UBE2R2: variants seen among roughly 807,000 people sequenced by gnomAD.
The protein encoded by UBE2R2 is ubiquitin conjugating enzyme E2 R2.
A neutral mutation model predicts 27.8 loss-of-function variants in UBE2R2; 1 was observed. The ratio of observed to expected loss-of-function variants is 0.04; its 90% CI spans 0.01 to 0.17. UBE2R2 has a LOEUF of 0.17. Among genes scored for constraint, UBE2R2 ranks in the 10% least tolerant of loss-of-function variants. The pLI is 1.00. For missense variants in UBE2R2, 100 were observed against 291.0 expected, an observed-to-expected ratio of 0.34 and a Z score of 4.78; for synonymous variants, 106 against 113.3, an observed-to-expected ratio of 0.94 and a Z score of 0.41.
chr9:33,919,923 G>A lies in UBE2R2; in HGVS notation c.*2686G>A, dbSNP rs1822766901. 6.6e-6 allele frequency: 1 copy of A among 152,250 alleles called. No homozygotes were observed. The highest frequency in any genetic ancestry group is 6.5e-5 in the Admixed American group (1 of 15,286). The allele number at this position is 152,250 out of a possible 1,614,324, so 9.4% of individuals were successfully genotyped here. ...GGGTGGAGAAGTATATGATTCTGCT[G>A]TTGATTCTTTCAGTCTTCCCCCCTT... On this transcript the variant is annotated 3_prime_UTR_variant, in exon 5 of 5. Coordinates refer to ENST00000263228, the MANE Select transcript of UBE2R2 (RefSeq NM_017811.4).
chr9:33,820,730 G>A (rs1587420811), intron 1 of UBE2R2, among the ~76,000 whole-genome samples: 1 of 152,170 alleles, frequency 6.6e-6, no homozygotes, highest in South Asian at 2.1e-4. Flanking sequence ...ATTCGTGAAG[G>A]CAGTGGGACT....
At chr9:33,864,211 C>T (rs565959668) in intron 1 of UBE2R2, among the ~76,000 whole-genome samples, 31 of 152,108 alleles carry the variant, frequency 2.0e-4, no homozygotes, top group Admixed American at 1.3e-3. Context: ...CAGAAAAAAA[C>T]GGAAAGGAAA....
At chr9:33,896,246 T>A (rs1822101955) in intron 2 of UBE2R2, among the ~76,000 whole-genome samples, 1 of 152,138 alleles carries the variant, frequency 6.6e-6, no homozygotes, top group Non-Finnish European at 1.5e-5. Flanking sequence ...GTCATCTGTG[T>A]ATAAAGATGC....
intron 1 of UBE2R2, among the ~76,000 whole-genome samples, chr9:33,880,209 T>G (rs1189331672): frequency 1.3e-5 from 2 of 152,180 alleles, no homozygotes; most frequent in Non-Finnish European, 2.9e-5. Context: ...TTCTCATTTC[T>G]TAAGTAGAAG....
At chr9:33,846,815 A>G (rs1050065601) in intron 1 of UBE2R2, among the ~76,000 whole-genome samples, 1 of 152,202 alleles carries the variant, frequency 6.6e-6, no homozygotes, top group East Asian at 1.9e-4. Flanking sequence ...TGTCACAAAT[A>G]TTATTCTTTT....
At chr9:33,915,278 A>G (rs565971810) in intron 4 of UBE2R2, among the ~76,000 whole-genome samples, 5 of 152,332 alleles carry the variant, frequency 3.3e-5, no homozygotes, top group Admixed American at 2.6e-4. Flanking sequence ...TTAAGAAGCA[A>G]TGCTCATTTA....
rs571400056 is a variant in UBE2R2, at chr9:33,863,567, G to T, written c.178-23314G>T. Among the ~76,000 whole-genome samples the T allele has an allele frequency of 2.0e-5, 3 of 151,352 alleles. No homozygotes were observed. In the East Asian group the frequency reaches 5.8e-4, roughly 29 times the overall value. ...GTGCATGGTAGATTTAGTGTTTTTC[G>T]TGAAAAATTTAGAAAGAATATAATT... On this transcript the variant is annotated intron_variant, in intron 1 of 4. Transcript: ENST00000263228.
At chr9:33,887,992 G>T (rs950411580) in intron 2 of UBE2R2, among the ~76,000 whole-genome samples, 1 of 152,158 alleles carries the variant, frequency 6.6e-6, no homozygotes, top group African/African-American at 2.4e-5. Flanking sequence ...CTAAAAGTGT[G>T]TTTTTAAATC....
intron 1 of UBE2R2, among the ~76,000 whole-genome samples, chr9:33,885,768 G>A (rs139249767): frequency 4.5e-4 from 68 of 152,202 alleles, no homozygotes; most frequent in African/African-American, 1.4e-3. Flanking sequence ...TTATTTTCTG[G>A]AATTCTGAAA....
At chr9:33,891,490 A>G (rs1257965863) in intron 2 of UBE2R2, among the ~76,000 whole-genome samples, 1 of 152,022 alleles carries the variant, frequency 6.6e-6, no homozygotes, top group Non-Finnish European at 1.5e-5. Context: ...TACTAAAAAT[A>G]GAAAAAATTA....
rs533859289 is a variant in UBE2R2 at position 33,882,909 on chromosome 9, C to T, written c.178-3972C>T. Among the ~76,000 whole-genome samples the T allele has an allele frequency of 2.6e-5, 4 of 151,946 alleles. No individual in the cohort carries two copies. The South Asian group carries it at 8.3e-4, about 32-fold the overall frequency. ...TTTGAGACCATCCTGGCCAACATGG[C>T]AAAACCCCATCTCTACTAAAAATAC... On this transcript the variant is annotated intron_variant, in intron 1 of 4. Transcript: ENST00000263228.
chr9:33,904,011 G>C (rs1436325695), intron 3 of UBE2R2, among the ~76,000 whole-genome samples: 1 of 152,078 alleles, frequency 6.6e-6, no homozygotes, highest in Non-Finnish European at 1.5e-5. Flanking sequence ...GTGTTTTCGG[G>C]GGCTGTGGGA....
At chr9:33,840,927 A>AT (rs1011458364) in intron 1 of UBE2R2, among the ~76,000 whole-genome samples, 26 of 151,872 alleles carry the variant, frequency 1.7e-4, no homozygotes, top group East Asian at 1.3e-3. Flanking sequence ...ATTTAATTTA[A>AT]TTAATTAATT....
rs1011619809 is a variant in UBE2R2, at chr9:33,917,369, G to A, written c.*132G>A. ...TGGGGAAACACACACAGCTCCTGCT[G>A]ACTCCCCTTATGGATCTCAGTTTGC... On this transcript the variant is annotated 3_prime_UTR_variant, in exon 5 of 5. Transcript: ENST00000263228. The A allele has an allele frequency of 7.2e-7, 1 of 1,393,000 alleles. No individual in the cohort carries two copies. The highest frequency in any genetic ancestry group is 1.4e-5 in the African/African-American group (1 of 70,054). 86.3% of individuals were successfully genotyped at this position (1,393,000 alleles called of 1,614,324 possible). A position where few individuals can be genotyped will look rare whatever the true frequency, so the allele number is the denominator to read the frequency against.
At chr9:33,819,830 G>T (rs1426811739) in intron 1 of UBE2R2, among the ~76,000 whole-genome samples, 1 of 152,124 alleles carries the variant, frequency 6.6e-6, no homozygotes, top group Non-Finnish European at 1.5e-5. Flanking sequence ...GTAGAGATGG[G>T]GTTTCACCAT....
intron 1 of UBE2R2, among the ~76,000 whole-genome samples, chr9:33,840,164 T>C (rs1360847808): frequency 6.6e-6 from 1 of 152,152 alleles, no homozygotes; most frequent in Non-Finnish European, 1.5e-5. Context: ...TTTTCCCCTT[T>C]TTCTTTTTTT....
intron 1 of UBE2R2, chr9:33,868,747 C>T (rs1459948677): frequency 6.6e-6 from 1 of 152,126 alleles, no homozygotes; most frequent in East Asian, 1.9e-4. Flanking sequence ...TATCCTATGG[C>T]AGATGTGATC....
chr9:33,917,489 T>C lies in UBE2R2; in HGVS notation c.*252T>C. 1.8e-6 allele frequency: 1 copy of C among 571,368 alleles called. No individual in the cohort carries two copies. The highest frequency in any genetic ancestry group is 3.0e-6 in the Non-Finnish European group (1 of 336,366). The allele number at this position is 571,368 out of a possible 1,614,324, so 35.4% of individuals were successfully genotyped here. A position where few individuals can be genotyped will look rare whatever the true frequency, so the allele number is the denominator to read the frequency against. On this transcript the variant is annotated 3_prime_UTR_variant, in exon 5 of 5. Coordinates refer to ENST00000263228, the MANE Select transcript of UBE2R2 (RefSeq NM_017811.4). ...CCCTTCCATCACTATATTGATTCTT[T>C]TTTTAAAAAATATGAACCCAAACTC...
rs1363698637 is a variant in UBE2R2 at position 33,919,716 on chromosome 9, G to T, written c.*2479G>T. The T allele has an allele frequency of 6.8e-6, 1 of 148,046 alleles. No homozygotes were observed. The highest frequency in any genetic ancestry group is 2.5e-5 in the African/African-American group (1 of 39,358). 9.2% of individuals were successfully genotyped at this position (148,046 alleles called of 1,614,324 possible). A position where few individuals can be genotyped will look rare whatever the true frequency, so the allele number is the denominator to read the frequency against. ...GAACACATCCCTGTGGAAAATACTT[G>T]AGTTTGTAATTTTTTTTCCCCCTTC... On this transcript the variant is annotated 3_prime_UTR_variant, in exon 5 of 5. Coordinates refer to ENST00000263228, the MANE Select transcript of UBE2R2 (RefSeq NM_017811.4).
Sources: allele counts gnomAD v4.1 joint callset (sites outside exome capture counted in the v4.1 genomes callset), GRCh38; gene constraint gnomAD v4.1.1; transcripts MANE v1.5; gene names NCBI Gene and HGNC (gene_info 2026-07-23, HGNC 2026-07-21).